Variants in TRPC4 observed in about 807,000 individuals in gnomAD.
TRPC4 encodes the protein short transient receptor potential channel 4.
TRPC4 carries 49 observed loss-of-function variants against 99.4 expected under a neutral mutation model. That is an observed-to-expected ratio of 0.49 (90% CI 0.39 to 0.63). The LOEUF is 0.63. Ranked by LOEUF, TRPC4 falls within the 20% of genes least tolerant of loss-of-function variation. The pLI is 0.00. For missense variants in TRPC4, 898 were observed against 1,152.9 expected (o/e 0.78, Z 3.20); for synonymous variants, 454 against 425.9 (o/e 1.07, Z -0.81).
intron 1 of TRPC4, among the ~76,000 whole-genome samples, chr13:37,824,389 G>C (rs956685308): frequency 6.6e-6 from 1 of 150,860 alleles, no homozygotes; most frequent in African/African-American, 2.4e-5. Flanking sequence ...TGCCCATTCA[G>C]TATGATATTG....
chr13:37,724,076 C>A (rs530915123), intron 3 of TRPC4, among the ~76,000 whole-genome samples: 1 of 152,070 alleles, frequency 6.6e-6, no homozygotes, highest in East Asian at 1.9e-4. Context: ...AATAATGATT[C>A]ATTCATTATT....
chr13:37,692,620 T>C (rs1034195763), intron 3 of TRPC4, among the ~76,000 whole-genome samples: 1 of 152,170 alleles, frequency 6.6e-6, no homozygotes, highest in Non-Finnish European at 1.5e-5. Flanking sequence ...AATACGAATA[T>C]GCAAAAGATA....
rs1954536607 is a variant in TRPC4, at chr13:37,713,053, A to T, written c.898-20718T>A. 2.6e-5 allele frequency among the ~76,000 whole-genome samples: 4 copies of T among 152,166 alleles called. No homozygotes were observed. The South Asian group carries it at 8.3e-4, about 32-fold the overall frequency. ...GTATAAGGCACTTCAAAAATCATCA[A>T]GCATTTCATTTTTCAACCTTTTGTT... On this transcript the variant is annotated intron_variant, in intron 3 of 10. Coordinates refer to ENST00000379705, the MANE Select transcript of TRPC4 (RefSeq NM_016179.4).
chr13:37,648,078 G>A (rs1000791602), intron 8 of TRPC4, among the ~76,000 whole-genome samples: 1 of 152,088 alleles, frequency 6.6e-6, no homozygotes, highest in Non-Finnish European at 1.5e-5. Context: ...GAGTAGCTGG[G>A]ACTACAGGCA....
At chr13:37,828,362 G>A (rs771960876) in intron 1 of TRPC4, among the ~76,000 whole-genome samples, 12 of 151,390 alleles carry the variant, frequency 7.9e-5, no homozygotes, top group Non-Finnish European at 1.5e-4. Flanking sequence ...GTGGAGAAAA[G>A]GGAATGCTTA....
rs141121903 is a variant in TRPC4, at chr13:37,788,205, T to C, written c.-27-4845A>G. ...GAGCTTTCATCCATTCCCATTTCTC[T>C]AATATTTCATACCAACCTTCACTCT... On this transcript the variant is annotated intron_variant, in intron 1 of 10. Coordinates refer to ENST00000379705, the MANE Select transcript of TRPC4 (RefSeq NM_016179.4). 1.7e-3 allele frequency among the ~76,000 whole-genome samples: 259 copies of C among 152,264 alleles called. 1 individual carries two copies. The highest frequency in any genetic ancestry group is 5.7e-3 in the African/African-American group (236 of 41,580).
chr13:37,702,740 A>G (rs1954140654), intron 3 of TRPC4, among the ~76,000 whole-genome samples: 1 of 152,174 alleles, frequency 6.6e-6, no homozygotes, highest in African/African-American at 2.4e-5. Flanking sequence ...GACCCTACAC[A>G]TAGGCAGTCA....
At chr13:37,716,272 A>G (rs1277483955) in intron 3 of TRPC4, among the ~76,000 whole-genome samples, 1 of 152,164 alleles carries the variant, frequency 6.6e-6, no homozygotes. Context: ...TCTAAGTACT[A>G]AAATATACGG....
rs143960287 is a variant in TRPC4, at chr13:37,760,119, A to G, written c.379-13664T>C. Among the ~76,000 whole-genome samples, 839 of 152,074 alleles carry G rather than the reference A, an allele frequency of 5.5e-3. 5 individuals carry two copies. Among genetic ancestry groups the G allele is most frequent in the African/African-American group, 0.019 (799 of 41,542 alleles). On this transcript the variant is annotated intron_variant, in intron 2 of 10. Coordinates refer to ENST00000379705, the MANE Select transcript of TRPC4 (RefSeq NM_016179.4). ...ATTCCTTATTTTAGGCTCTTTAAAC[A>G]TTAGTTGAGATTCTACTTTCTATCA...
intron 1 of TRPC4, among the ~76,000 whole-genome samples, chr13:37,822,358 C>A (rs1958038700): frequency 6.6e-6 from 1 of 151,930 alleles, no homozygotes; most frequent in African/African-American, 2.4e-5. Context: ...ATGTGCCATG[C>A]TGGTGCGCTG....
chr13:37,646,376 G>A (rs957343482), intron 8 of TRPC4, among the ~76,000 whole-genome samples: 2 of 151,942 alleles, frequency 1.3e-5, no homozygotes, highest in Non-Finnish European at 2.9e-5. Flanking sequence ...TTTTGGTTCG[G>A]TATGGTAACA....
intron 3 of TRPC4, among the ~76,000 whole-genome samples, chr13:37,694,201 T>C (rs1161729494): frequency 2.0e-5 from 3 of 152,190 alleles, no homozygotes; most frequent in African/African-American, 4.8e-5. Context: ...TATTAAACTT[T>C]AGGACAGCTG....
intron 4 of TRPC4, among the ~76,000 whole-genome samples, chr13:37,686,117 C>T (rs1266851899): frequency 1.3e-5 from 2 of 151,982 alleles, no homozygotes; most frequent in African/African-American, 2.4e-5. Context: ...GAAAGTAATA[C>T]GAATATTTCT....
In TRPC4 at chr13:37,844,703, C is replaced by T. The variant is rs192979225; in HGVS notation, c.-28+24892G>A. Among the ~76,000 whole-genome samples, 7 of 152,006 alleles carry T rather than the reference C, an allele frequency of 4.6e-5. No individual in the cohort carries two copies. In the South Asian group the frequency reaches 6.2e-4, roughly 13 times the overall value. On this transcript the variant is annotated intron_variant, in intron 1 of 10. Coordinates refer to ENST00000379705, the MANE Select transcript of TRPC4 (RefSeq NM_016179.4). ...AGGCAAATGCAGGTCAGTGAGTACCCGTGAATAGATCATCTAGTACTGCCA... is the reference window on the plus strand; with the variant it reads ...AGGCAAATGCAGGTCAGTGAGTACCTGTGAATAGATCATCTAGTACTGCCA...
chr13:37,757,399 C>T (rs968146992), intron 2 of TRPC4, among the ~76,000 whole-genome samples: 8 of 151,948 alleles, frequency 5.3e-5, no homozygotes, highest in Non-Finnish European at 8.8e-5. Flanking sequence ...TAGCACATCC[C>T]TAAGTTAAGA....
chr13:37,632,111 G>T lies in TRPC4; in HGVS notation c.*4792C>A, dbSNP rs1951408930. Among the ~76,000 whole-genome samples the T allele has an allele frequency of 6.6e-6, 1 of 152,156 alleles. No individual in the cohort carries two copies. The highest frequency in any genetic ancestry group is 2.4e-5 in the African/African-American group (1 of 41,442). ...ATAGAGCTACACAAAACTTTTTTGA[G>T]TAATTAAAGATAGAATTTTCTACCT... On this transcript the variant is annotated 3_prime_UTR_variant, in exon 11 of 11. Coordinates refer to ENST00000379705, the MANE Select transcript of TRPC4 (RefSeq NM_016179.4).
At chr13:37,775,446 G>A (rs1327246931) in intron 2 of TRPC4, among the ~76,000 whole-genome samples, 1 of 149,544 alleles carries the variant, frequency 6.7e-6, no homozygotes, top group Non-Finnish European at 1.5e-5. Context: ...AAGGGTACAT[G>A]TGCAGGTTTG....
intron 4 of TRPC4, among the ~76,000 whole-genome samples, chr13:37,690,901 A>T (rs994809062): frequency 5.9e-5 from 9 of 152,134 alleles, no homozygotes; most frequent in Admixed American, 4.6e-4. Flanking sequence ...TGAATCATGA[A>T]ATTTGTCACA....
intron 2 of TRPC4, among the ~76,000 whole-genome samples, chr13:37,755,420 A>ATAATTTTT (rs2139212110): frequency 4.8e-5 from 1 of 20,806 alleles, no homozygotes; most frequent in Admixed American, 8.1e-4. Flanking sequence ...CCATACCTGG[A>ATAATTTTT]TAATTTTTTT....
Sources: allele counts gnomAD v4.1 joint callset (sites outside exome capture counted in the v4.1 genomes callset), GRCh38; gene constraint gnomAD v4.1.1; transcripts MANE v1.5; gene names NCBI Gene and HGNC (gene_info 2026-07-23, HGNC 2026-07-21).